DENND2A: variants seen among roughly 807,000 people sequenced by gnomAD.
DENND2A encodes the protein DENN domain containing 2A, also known as DENN domain-containing protein 2A.
DENND2A carries 53 observed loss-of-function variants against 105.3 expected under a neutral mutation model. The ratio of observed to expected loss-of-function variants is 0.50; its 90% confidence interval spans 0.40 to 0.63. DENND2A has a LOEUF of 0.63. Among genes scored for constraint, DENND2A ranks in the 30% least tolerant of loss-of-function variants. The pLI is 0.00. For missense variants in DENND2A, 1,138 were observed against 1,279.6 expected (o/e 0.89, Z 1.69); for synonymous variants, 522 against 508.4 (o/e 1.03, Z -0.36).
rs759517190 is a variant in DENND2A, at chr7:140,523,308, G to A, written c.2664C>T (p.His888=). The change falls in exon 17 of 20, where the codon CAC becomes CAT. Residue 888 remains histidine, a splice_region_variant and synonymous_variant. Coordinates refer to ENST00000496613, the MANE Select transcript of DENND2A (RefSeq NM_015689.5). This position sits in a 1 kb window ranked among gnomAD's most constrained non-coding sequence, Gnocchi z 4.5. ...EQDEGPLDGR[H]GPESSPLNEV... is the part of the protein sequence containing the mutation. ...ACTGGGAGGTGGCTGAACACTTACCGTGCCTGCCGTCTAGGGGCCCTTCGT... is the reference window on the plus strand; with the variant it reads ...ACTGGGAGGTGGCTGAACACTTACCATGCCTGCCGTCTAGGGGCCCTTCGT... 3.2e-5 allele frequency: 51 copies of A among 1,613,902 alleles called. No individual in the cohort carries two copies. Among genetic ancestry groups the A allele is most frequent in the African/African-American group, 9.3e-5 (7 of 74,898 alleles).
intron 6 of DENND2A, among the ~76,000 whole-genome samples, chr7:140,570,613 G>A (rs1798054556): frequency 6.6e-6 from 1 of 152,164 alleles, no homozygotes; most frequent in Admixed American, 6.5e-5. Context: ...CTCCCCAGAT[G>A]TCATGTACCC....
intron 9 of DENND2A, among the ~76,000 whole-genome samples, chr7:140,565,515 C>T (rs956496769): frequency 1.3e-5 from 2 of 152,068 alleles, no homozygotes; most frequent in African/African-American, 4.8e-5. Context: ...CTCTTTAATA[C>T]TGATGTCAAA....
intron 18 of DENND2A, 119 bp from the exon 19 acceptor site, chr7:140,519,837 A>C (rs1270786460): frequency 1.2e-6 from 1 of 865,932 alleles, no homozygotes; most frequent in East Asian, 2.4e-5. Flanking sequence ...CTGCTCCTAT[A>C]AACATGCTCT....
intron 1 of DENND2A, among the ~76,000 whole-genome samples, chr7:140,630,599 C>G (rs1325064435): frequency 2.0e-5 from 3 of 152,132 alleles, no homozygotes; most frequent in Non-Finnish European, 4.4e-5. Flanking sequence ...AATCCTAGCA[C>G]TTTGGGAAGC....
chr7:140,595,849 C>T (rs747536736), intron 3 of DENND2A, among the ~76,000 whole-genome samples: 3 of 152,138 alleles, frequency 2.0e-5, no homozygotes, highest in Admixed American at 6.6e-5. Context: ...AAGGATGCCA[C>T]GCGCTGACTT....
In DENND2A at chr7:140,521,901, A is replaced by AAACATCTG; in HGVS notation, c.2857_2864dup (p.Gly957CysfsTer43). On this transcript the variant is annotated frameshift_variant, in exon 18 of 20. Coordinates refer to ENST00000496613, the MANE Select transcript of DENND2A (RefSeq NM_015689.5). LOFTEE classifies it high-confidence loss of function. ...GCTCCCGCTCCTGGATGAAGCCCCG[A>AAACATCTG]AACATCTGAGTCTCCATGAAGACCT... 1 of 1,614,132 alleles carries AAACATCTG rather than the reference A, an allele frequency of 6.2e-7. No homozygotes were observed. Among genetic ancestry groups the AAACATCTG allele is most frequent in the South Asian group, 1.1e-5 (1 of 91,090 alleles).
chr7:140,602,144 CT>C lies in DENND2A; in HGVS notation c.253del (p.Ser85ValfsTer4). 1.9e-6 allele frequency: 3 copies of C among 1,614,204 alleles called. No homozygotes were observed. The highest frequency in any genetic ancestry group is 1.7e-6 in the Non-Finnish European group (2 of 1,180,034). On this transcript the variant is annotated frameshift_variant, in exon 3 of 20. Coordinates refer to ENST00000496613, the MANE Select transcript of DENND2A (RefSeq NM_015689.5). LOFTEE classifies it high-confidence loss of function. Reference sequence around the variant, plus strand: ...TGTGACCTGAGTTCTCACCCCATCACTACTCCTCCTCTCCACCGTAGAGGAC... The same window carrying C: ...TGTGACCTGAGTTCTCACCCCATCACACTCCTCCTCTCCACCGTAGAGGAC... ...LPSSTVERRS[S>X]DGVRTQVTEA...
intron 2 of DENND2A, among the ~76,000 whole-genome samples, chr7:140,604,555 G>C (rs1037507361): frequency 6.6e-6 from 1 of 152,244 alleles, no homozygotes; most frequent in Non-Finnish European, 1.5e-5. Context: ...AAAGGCAGAA[G>C]TGATGGTCCT....
chr7:140,527,248 T>G lies in DENND2A; in HGVS notation c.2505+70A>C. On this transcript the variant is annotated intron_variant, in intron 15 of 19. Coordinates refer to ENST00000496613, the MANE Select transcript of DENND2A (RefSeq NM_015689.5). The surrounding 1 kb of genome is among the most constrained non-coding windows in gnomAD (Gnocchi z 4.9). ...GCTCTGAGAACCGCTCCATGATGCCTGCAGAGCCAGCGCCCCGCTCTGTTC... is the reference window on the plus strand; with the variant it reads ...GCTCTGAGAACCGCTCCATGATGCCGGCAGAGCCAGCGCCCCGCTCTGTTC... 4.1e-6 allele frequency: 6 copies of G among 1,449,678 alleles called. No homozygotes were observed. The highest frequency in any genetic ancestry group is 5.5e-6 in the Non-Finnish European group (6 of 1,088,344). The allele number at this position is 1,449,678 out of a possible 1,614,324, so 89.8% of individuals were successfully genotyped here.
chr7:140,538,113 G>A (rs922946884), intron 14 of DENND2A, among the ~76,000 whole-genome samples: 9 of 152,166 alleles, frequency 5.9e-5, no homozygotes, highest in African/African-American at 2.2e-4. Context: ...AAACTTGATA[G>A]ATTTTTGGCT....
In DENND2A at chr7:140,591,722, TC is replaced by T. The variant is rs529006253; in HGVS notation, c.996-3943del. Among the ~76,000 whole-genome samples, 97 of 139,048 alleles carry T rather than the reference TC, an allele frequency of 7.0e-4. 5 individuals are homozygous for T. Among genetic ancestry groups the T allele is most frequent in the Non-Finnish European group, 4.3e-4 (28 of 64,770 alleles). 91.2% of individuals were successfully genotyped at this position (139,048 alleles called of 152,430 possible). A position where few individuals can be genotyped will look rare whatever the true frequency, so the allele number is the denominator to read the frequency against. ...CCTTCCTTCCTTCTTTCTCTCTCTT[TC>T]CTTTCCTTTCTCTCTCTCTTTTCTT... is the stretch of plus-strand genomic sequence containing the variant. On this transcript the variant is annotated intron_variant, in intron 3 of 19. Coordinates refer to ENST00000496613, the MANE Select transcript of DENND2A (RefSeq NM_015689.5).
intron 2 of DENND2A, among the ~76,000 whole-genome samples, chr7:140,604,919 G>A (rs866093062): frequency 7.9e-5 from 12 of 152,168 alleles, no homozygotes; most frequent in Non-Finnish European, 1.2e-4. Context: ...TCAAAGTACA[G>A]CATACTTTCT....
chr7:140,539,571 C>T (rs745967419), intron 14 of DENND2A, among the ~76,000 whole-genome samples: 12 of 152,214 alleles, frequency 7.9e-5, no homozygotes, highest in Non-Finnish European at 1.5e-4. Context: ...TGCTTTCCCT[C>T]CGTCCTCTCC....
At chr7:140,521,807 A>G (rs938485071) in intron 18 of DENND2A, 48 bp downstream of exon 18, 4 of 1,605,570 alleles carry the variant, frequency 2.5e-6, no homozygotes, top group Non-Finnish European at 2.6e-6. Flanking sequence ...CGCCTGGAAT[A>G]TAGGGAGCTC....
intron 6 of DENND2A, among the ~76,000 whole-genome samples, chr7:140,571,235 C>T: frequency 6.6e-6 from 1 of 151,998 alleles, no homozygotes; most frequent in African/African-American, 2.4e-5. Flanking sequence ...CTTGGCTCAC[C>T]ACAACCTCCG....
At chr7:140,625,756 G>A (rs761512301) in intron 1 of DENND2A, among the ~76,000 whole-genome samples, 29 of 152,124 alleles carry the variant, frequency 1.9e-4, no homozygotes, top group Non-Finnish European at 3.7e-4. Context: ...CCTGCTGAAT[G>A]CTTTTTCTTC....
chr7:140,585,318 T>A (rs1798732183), intron 5 of DENND2A, among the ~76,000 whole-genome samples: 1 of 152,230 alleles, frequency 6.6e-6, no homozygotes, highest in Non-Finnish European at 1.5e-5. Flanking sequence ...TCTTAACAGT[T>A]GTATGGGACG....
At chr7:140,617,277 G>A (rs1490722803) in intron 1 of DENND2A, among the ~76,000 whole-genome samples, 1 of 152,216 alleles carries the variant, frequency 6.6e-6, no homozygotes, top group African/African-American at 2.4e-5. Flanking sequence ...GCTGATGCTT[G>A]GAGATGCTGC....
In DENND2A at chr7:140,569,706, G is replaced by T; in HGVS notation, c.1479C>A (p.Val493=). The T allele has an allele frequency of 6.2e-7, 1 of 1,613,838 alleles. No individual in the cohort carries two copies. Among genetic ancestry groups the T allele is most frequent in the Non-Finnish European group, 8.5e-7 (1 of 1,179,852 alleles). ...TCTTCACCCGTTTCTTTCCTCTCCG[G>T]ACCTCATAAATGGCGTTGATTCGCA... The part of the protein sequence containing the change: ...LVLRINAIYE[V]RRGKKRVKRL... Residue 493 remains valine (V), a synonymous_variant, in exon 7 of 20, where the codon GTC becomes GTA. Coordinates refer to ENST00000496613, the MANE Select transcript of DENND2A (RefSeq NM_015689.5).
Sources: allele counts gnomAD v4.1 joint callset (sites outside exome capture counted in the v4.1 genomes callset), GRCh38; gene constraint gnomAD v4.1.1; non-coding constraint Gnocchi (gnomAD v3.1); transcripts MANE v1.5; gene names NCBI Gene and HGNC (gene_info 2026-07-23, HGNC 2026-07-21).